LILRA1: variants seen among roughly 807,000 people sequenced by gnomAD.
The protein encoded by LILRA1 is leukocyte immunoglobulin like receptor A1.
Under a neutral mutation model 51.6 loss-of-function variants are expected in LILRA1, and 51 were observed. That is an observed-to-expected ratio of 0.99 (90% CI 0.79 to 1.25). The LOEUF (loss-of-function observed/expected upper bound fraction) is 1.25. LILRA1 is among the 50% of genes most tolerant of loss of function. The pLI is 0.00. For synonymous variants in LILRA1, 305 were observed against 248.4 expected (o/e 1.23, Z -2.14); for missense variants, 660 against 611.7 (o/e 1.08, Z -0.83).
Position 54,596,580 on chromosome 19 carries a change from G to C in LILRA1, c.1261+89G>C. 3 of 1,559,342 alleles carry C rather than the reference G, an allele frequency of 1.9e-6. No individual in the cohort carries two copies. The South Asian group carries it at 3.5e-5, about 18-fold the overall frequency. ...GAGCTCTGGACACTAAGAAAAGAGG[G>C]GAGTTGGCTGGGCACGGTGGCTTAC... On this transcript the variant is annotated intron_variant, in intron 7 of 9. Coordinates refer to ENST00000251372, the MANE Select transcript of LILRA1 (RefSeq NM_006863.4).
rs556200833 is a variant in LILRA1, at chr19:54,601,523, C to A, written c.*706C>A. ...ACCACAAATGTGCTTTCTGTCTCTA[C>A]GGATTTGCCTATTCTGTCTGAAAAC... On this transcript the variant is annotated 3_prime_UTR_variant, in exon 10 of 10. Coordinates refer to ENST00000251372, the MANE Select transcript of LILRA1 (RefSeq NM_006863.4). The A allele has an allele frequency of 6.5e-6, 1 of 152,818 alleles. No homozygotes were observed. Among genetic ancestry groups the A allele is most frequent in the African/African-American group, 2.4e-5 (1 of 41,456 alleles). The allele number at this position is 152,818 out of a possible 1,614,324, so 9.5% of individuals were successfully genotyped here. A position where few individuals can be genotyped will look rare whatever the true frequency, so the allele number is the denominator to read the frequency against.
chr19:54,598,697 G>C (rs537462121), intron 7 of LILRA1, among the ~76,000 whole-genome samples: 2 of 152,282 alleles, frequency 1.3e-5, no homozygotes, highest in Admixed American at 6.5e-5. Flanking sequence ...TTTCTCATGA[G>C]TACTTATCTC....
chr19:54,598,642 T>C (rs74338461), intron 7 of LILRA1, among the ~76,000 whole-genome samples: 5,362 of 152,264 alleles, frequency 0.035, 122 homozygotes, highest in South Asian at 0.055. Flanking sequence ...GGCAATTTGG[T>C]AGTGGGTTAA....
chr19:54,596,863 T>G (rs1430166976), intron 7 of LILRA1, among the ~76,000 whole-genome samples: 1 of 147,336 alleles, frequency 6.8e-6, no homozygotes, highest in African/African-American at 2.5e-5. Context: ...CGAGACTCCA[T>G]CTCAAAAAAA....
In LILRA1 at chr19:54,597,223, T is replaced by A. The variant is rs73939020; in HGVS notation, c.1261+732T>A. Among the ~76,000 whole-genome samples the A allele has an allele frequency of 2.8e-3, 425 of 152,162 alleles. 3 individuals are homozygous for A. Among genetic ancestry groups the A allele is most frequent in the African/African-American group, 9.8e-3 (405 of 41,486 alleles). ...CTCATCTCAATGCTACCTCTAATAT[T>A]CAGGGTCTGATTTCCAGGGCAGCAG... is the stretch of plus-strand genomic sequence containing the variant. On this transcript the variant is annotated intron_variant, in intron 7 of 9. Transcript: ENST00000251372.
chr19:54,597,726 C>G (rs2063088967), intron 7 of LILRA1, among the ~76,000 whole-genome samples: 1 of 151,864 alleles, frequency 6.6e-6, no homozygotes, highest in Non-Finnish European at 1.5e-5. Flanking sequence ...AGGATGAACC[C>G]CTCACCCACA....
chr19:54,595,170 C>T lies in LILRA1; in HGVS notation c.429C>T (p.Leu143=). ...TGACCTCAGGAGGGAACGTGACCCT[C>T]CATTGTGTCTCACAGGTGGCATTTG... The part of the protein sequence containing the change: ...PVVTSGGNVT[L]HCVSQVAFGS... Residue 143 remains leucine (L), a synonymous_variant, in exon 5 of 10, where the codon CTC becomes CTT. Transcript: ENST00000251372. 6.2e-7 allele frequency: 1 copy of T among 1,614,128 alleles called. No homozygotes were observed. The highest frequency in any genetic ancestry group is 8.5e-7 in the Non-Finnish European group (1 of 1,180,004).
At chr19:54,599,047 G>C (rs2063117038) in intron 7 of LILRA1, among the ~76,000 whole-genome samples, 189 bp from the exon 8 acceptor site, 1 of 152,136 alleles carries the variant, frequency 6.6e-6, no homozygotes, top group Non-Finnish European at 1.5e-5. Context: ...GCCCACGTCA[G>C]CCTCCCAAAA....
intron 8 of LILRA1, among the ~76,000 whole-genome samples, chr19:54,599,922 G>A (rs1264333013): frequency 1.3e-5 from 2 of 151,146 alleles, no homozygotes; most frequent in African/African-American, 4.8e-5. Context: ...TCTCCATTTA[G>A]CATATATATA....
Position 54,602,138 on chromosome 19 carries a change from T to C in LILRA1, c.*1321T>C, listed in dbSNP as rs1266661761. ...ATCATTCACCGTCTACCCTCTAGAG[T>C]AAACAAATCTTATCATTCACCATCT... On this transcript the variant is annotated 3_prime_UTR_variant, in exon 10 of 10. Transcript: ENST00000251372. 1 of 151,946 alleles carries C rather than the reference T, an allele frequency of 6.6e-6. No homozygotes were observed. The highest frequency in any genetic ancestry group is 6.6e-5 in the Admixed American group (1 of 15,264). The allele number at this position is 151,946 out of a possible 1,614,324, so 9.4% of individuals were successfully genotyped here.
intron 1 of LILRA1, 133 bp from the exon 2 acceptor site, chr19:54,594,064 C>T (rs547874376): frequency 1.3e-5 from 13 of 991,550 alleles, no homozygotes; most frequent in Middle Eastern, 4.3e-4. Context: ...GAGTCAGGCT[C>T]CTGGTAGGGT....
intron 2 of LILRA1, 61 bp from the exon 3 acceptor site, chr19:54,594,379 CA>C: frequency 1.2e-6 from 2 of 1,614,116 alleles, no homozygotes; most frequent in Non-Finnish European, 1.7e-6. Context: ...ACAAAGATCC[CA>C]GGGAGGGGAG....
chr19:54,599,429 TA>T, intron 8 of LILRA1, 143 bp downstream of exon 8: 2 of 1,327,372 alleles, frequency 1.5e-6, no homozygotes, highest in East Asian at 4.5e-5. Flanking sequence ...TAATGATTTA[TA>T]AGTGAAGTAT....
chr19:54,600,958 T>G lies in LILRA1; in HGVS notation c.*141T>G, dbSNP rs796525609. On this transcript the variant is annotated 3_prime_UTR_variant, in exon 10 of 10. Coordinates refer to ENST00000251372, the MANE Select transcript of LILRA1 (RefSeq NM_006863.4). ...ATCTGGACTGTCTGCCAATCATTTTTAGAGGGAGGAATCAGTGTTGGATTG... is the reference window on the plus strand; with the variant it reads ...ATCTGGACTGTCTGCCAATCATTTTGAGAGGGAGGAATCAGTGTTGGATTG... The G allele has an allele frequency of 1.3e-5, 12 of 926,344 alleles. No individual in the cohort carries two copies. In the East Asian group the frequency reaches 1.7e-4, roughly 13 times the overall value. 57.4% of individuals were successfully genotyped at this position (926,344 alleles called of 1,614,324 possible).
chr19:54,595,490 C>T, intron 5 of LILRA1, 88 bp downstream of exon 5: 1 of 1,543,854 alleles, frequency 6.5e-7, no homozygotes, highest in Non-Finnish European at 8.7e-7. Flanking sequence ...AGGGCAGCTC[C>T]AGGTGGGATG....
intron 6 of LILRA1, 116 bp from the exon 7 acceptor site, chr19:54,596,073 G>GA (rs2063046039): frequency 2.1e-6 from 3 of 1,442,076 alleles, no homozygotes; most frequent in Non-Finnish European, 2.8e-6. Context: ...GATGGGCGGG[G>GA]CGGGGAAGAC....
At position 54,596,044 on chromosome 19, in the gene LILRA1, GAGAC is replaced by G. The variant is rs368782493; in HGVS notation, c.958+117_958+120del. On this transcript the variant is annotated intron_variant, in intron 6 of 9. Transcript: ENST00000251372. ...AGGGGTGGGGGTCCCAAGGGAGGGA[GAGAC>G]AGACAGAGACAGGGGATGGGCGGGG... is the stretch of plus-strand genomic sequence containing the variant. The G allele has an allele frequency of 2.4e-3, 2,513 of 1,048,062 alleles. 45 individuals are homozygous for G. The South Asian group carries it at 0.033, about 14-fold the overall frequency. 64.9% of individuals were successfully genotyped at this position (1,048,062 alleles called of 1,614,324 possible).
chr19:54,596,399 C>A lies in LILRA1; in HGVS notation c.1169C>A (p.Ala390Asp). The change falls in exon 7 of 10, where the codon GCC (alanine) becomes GAC (aspartate). Residue 390 changes from alanine (A) to aspartate (D), a missense_variant. Transcript: ENST00000251372. ...TTCCCTATGAGTCCTGTGACCTCAGCCCACTCGGGGACCTACAGGTGCTAC... is the reference window on the plus strand; with the variant it reads ...TTCCCTATGAGTCCTGTGACCTCAGACCACTCGGGGACCTACAGGTGCTAC... Reference protein sequence around the residue: ...AEFPMSPVTSAHSGTYRCYGS... With the variant: ...AEFPMSPVTSDHSGTYRCYGS... 2 of 1,614,090 alleles carry A rather than the reference C, an allele frequency of 1.2e-6. No individual in the cohort carries two copies. Among genetic ancestry groups the A allele is most frequent in the Admixed American group, 3.3e-5 (2 of 60,024 alleles).
In LILRA1 at chr19:54,601,554, A is replaced by G. The variant is rs969833086; in HGVS notation, c.*737A>G. 8.5e-5 allele frequency: 13 copies of G among 152,242 alleles called. No homozygotes were observed. The highest frequency in any genetic ancestry group is 3.1e-4 in the African/African-American group (13 of 41,428). 9.4% of individuals were successfully genotyped at this position (152,242 alleles called of 1,614,324 possible). On this transcript the variant is annotated 3_prime_UTR_variant, in exon 10 of 10. Coordinates refer to ENST00000251372, the MANE Select transcript of LILRA1 (RefSeq NM_006863.4). ...TGCCTATTCTGTCTGAAAACATTTC[A>G]ATCTCCTTTGACCTGTGAGCTCCTC...
Sources: gnomAD v4.1 joint callset for allele counts (sites outside exome capture counted in the v4.1 genomes callset) on GRCh38, gnomAD v4.1.1 for gene constraint, MANE v1.5 for transcripts, NCBI Gene and HGNC (gene_info 2026-07-23, HGNC 2026-07-21) for gene names.